XG: variants seen among roughly 807,000 people sequenced by gnomAD.
The protein encoded by XG is Xg glycoprotein (Xg blood group).
Under a neutral mutation model 25.7 loss-of-function variants are expected in XG, and 24 were observed. That is an observed-to-expected ratio of 0.93 (90% CI 0.68 to 1.31). The LOEUF (loss-of-function observed/expected upper bound fraction) is 1.31. Among genes scored for constraint, XG ranks in the 40% most tolerant of loss-of-function variants. The probability of loss-of-function intolerance (pLI) is 0.00; values close to 1 mark genes in which losing one functional copy is unlikely to be tolerated. For synonymous variants in XG, 77 were observed against 69.2 expected, an observed-to-expected ratio of 1.11 and a Z score of -0.56; for missense variants, 181 against 187.6, an observed-to-expected ratio of 0.96 and a Z score of 0.21.
intron 4 of XG, 150 bp downstream of exon 4, chrX:2,782,278 G>T: frequency 1.6e-6 from 1 of 641,176 alleles, no homozygotes; most frequent in South Asian, 2.8e-5. Context: ...ACTGGGGGGA[G>T]CAAGAAAGTC....
At chrX:2,804,056 C>T (rs1216351828) in intron 7 of XG, among the ~76,000 whole-genome samples, 14 of 111,530 alleles carry the variant, frequency 1.3e-4, no homozygotes, top group African/African-American at 3.3e-4. Flanking sequence ...TTGTTCCGGC[C>T]GGTCTCGAAC....
rs182763306 is a variant in XG, at chrX:2,771,589, G to C, written c.103+998G>C. ...TGGGTGGGAGAAAGGGAAAGATTTG[G>C]TTTCTGATGCAGGCACAATGGAACC... On this transcript the variant is annotated intron_variant, in intron 2 of 10. Transcript: ENST00000644266. Among the ~76,000 whole-genome samples the C allele has an allele frequency of 4.6e-5, 7 of 152,302 alleles. No homozygotes were observed. In the East Asian group the frequency reaches 1.3e-3, roughly 29 times the overall value.
intron 1 of XG, among the ~76,000 whole-genome samples, chrX:2,761,610 G>GT (rs2050567478): frequency 6.7e-6 from 1 of 148,752 alleles, no homozygotes; most frequent in Non-Finnish European, 1.5e-5. Context: ...ATCTCAAGAC[G>GT]TCCAGCCTCC....
In XG at chrX:2,803,785, C is replaced by T. The variant is rs1002928223; in HGVS notation, c.374-2916C>T. On this transcript the variant is annotated intron_variant, in intron 7 of 10. Transcript: ENST00000644266. Reference sequence around the variant, plus strand: ...CCCCCAGGAGCAATTTGCAGAGGTTCAGACTCTTGAGCCAGAGGCTGCACG... The same window carrying T: ...CCCCCAGGAGCAATTTGCAGAGGTTTAGACTCTTGAGCCAGAGGCTGCACG... Among the ~76,000 whole-genome samples, 4 of 111,748 alleles carry T rather than the reference C, an allele frequency of 3.6e-5. No homozygotes were observed. In the Admixed American group the frequency reaches 3.8e-4, roughly 11 times the overall value.
chrX:2,779,866 C>T (rs2051081016), intron 3 of XG, among the ~76,000 whole-genome samples: 1 of 152,044 alleles, frequency 6.6e-6, no homozygotes, highest in Non-Finnish European at 1.5e-5. Context: ...AGGCTGGTTT[C>T]GAACTCCTGA....
chrX:2,797,709 G>A (rs747206609), intron 7 of XG, among the ~76,000 whole-genome samples: 4 of 110,721 alleles, frequency 3.6e-5, no homozygotes, highest in East Asian at 2.9e-4. Flanking sequence ...CTTTAGGGGC[G>A]CAGCTCGCTT....
rs868648268 is a variant in XG at position 2,770,026 on chromosome X, G to C, written c.62-524G>C. ...GACTCTGTGCGTGTGTGGAGGGGTG[G>C]GGGGGGCGTTGGGGGGCGGGGATAT... On this transcript the variant is annotated intron_variant, in intron 1 of 10. Transcript: ENST00000644266. 5.5e-4 allele frequency among the ~76,000 whole-genome samples: 81 copies of C among 148,120 alleles called. 1 individual carries two copies. The highest frequency in any genetic ancestry group is 1.8e-3 in the African/African-American group (71 of 40,364).
At chrX:2,789,963 C>T (rs1001833587) in intron 5 of XG, among the ~76,000 whole-genome samples, 2 of 110,504 alleles carry the variant, frequency 1.8e-5, no homozygotes, top group African/African-American at 6.6e-5. Context: ...AGCAATCTTC[C>T]TCCCTCAGCC....
chrX:2,762,829 C>T (rs1417504241), intron 1 of XG, among the ~76,000 whole-genome samples: 5 of 152,104 alleles, frequency 3.3e-5, no homozygotes, highest in Admixed American at 6.6e-5. Context: ...TCTTAGGGGC[C>T]TGCCAGGCAC....
At chrX:2,759,345 G>C (rs1220259488) in intron 1 of XG, among the ~76,000 whole-genome samples, 1 of 152,202 alleles carries the variant, frequency 6.6e-6, no homozygotes, top group Non-Finnish European at 1.5e-5. Context: ...AAAGGGGACA[G>C]GTTGGAAATG....
intron 1 of XG, among the ~76,000 whole-genome samples, chrX:2,759,489 C>T (rs1049893833): frequency 7.2e-5 from 11 of 152,132 alleles, no homozygotes; most frequent in Non-Finnish European, 1.0e-4. Context: ...TGTCAGAATG[C>T]ACTTGTAGGA....
At chrX:2,797,120 C>T (rs191888821) in intron 6 of XG, among the ~76,000 whole-genome samples, 190 bp from the exon 7 acceptor site, 20 of 111,545 alleles carry the variant, frequency 1.8e-4, no homozygotes, top group African/African-American at 6.2e-4. Context: ...AGTTTTCCCA[C>T]GGGGAAGAGG....
chrX:2,759,796 G>A (rs1472996114), intron 1 of XG, among the ~76,000 whole-genome samples: 1 of 152,230 alleles, frequency 6.6e-6, no homozygotes, highest in Non-Finnish European at 1.5e-5. Context: ...TCTGCCTGCA[G>A]GTGGGGCTCT....
chrX:2,773,534 A>C (rs777888069), intron 2 of XG, among the ~76,000 whole-genome samples: 78 of 115,650 alleles, frequency 6.7e-4, no homozygotes, highest in Non-Finnish European at 1.1e-3. Flanking sequence ...AAGGAAGGAG[A>C]GAAGGAAGGA....
chrX:2,772,895 A>G (rs1457243846), intron 2 of XG, among the ~76,000 whole-genome samples: 2 of 152,100 alleles, frequency 1.3e-5, no homozygotes, highest in Non-Finnish European at 2.9e-5. Flanking sequence ...GCCCTTCCTC[A>G]TGGGAAGGAA....
Position 2,816,133 on chromosome X carries a change from C to T in XG, c.*1753C>T, listed in dbSNP as rs1051907348. The T allele has an allele frequency of 3.6e-5, 4 of 111,908 alleles. No homozygotes were observed. The highest frequency in any genetic ancestry group is 9.5e-5 in the Admixed American group (1 of 10,525). The allele number at this position is 111,908 out of a possible 1,213,427, so 9.2% of individuals were successfully genotyped here. ...AAATTCACCTGGGTGACAAGGCTAACGTTCAAGCTACTTAAGATGAAAATA... is the reference window on the plus strand; with the variant it reads ...AAATTCACCTGGGTGACAAGGCTAATGTTCAAGCTACTTAAGATGAAAATA... On this transcript the variant is annotated 3_prime_UTR_variant, in exon 11 of 11. Transcript: ENST00000644266.
At chrX:2,795,264 CTT>C (rs1216138800) in intron 6 of XG, among the ~76,000 whole-genome samples, 2 of 105,477 alleles carry the variant, frequency 1.9e-5, no homozygotes, top group Non-Finnish European at 3.9e-5. Flanking sequence ...TTTAATATAT[CTT>C]TTTAAAAATA....
intron 7 of XG, among the ~76,000 whole-genome samples, chrX:2,801,772 C>A (rs188747329): frequency 1.6e-3 from 171 of 110,086 alleles, no homozygotes; most frequent in African/African-American, 5.2e-3. Flanking sequence ...GCAGTGGCGT[C>A]ATCTCGGCTC....
At chrX:2,754,925 A>G (rs988795068) in intron 1 of XG, among the ~76,000 whole-genome samples, 10 of 152,116 alleles carry the variant, frequency 6.6e-5, no homozygotes, top group Non-Finnish European at 1.2e-4. Flanking sequence ...CTTCAATCCA[A>G]TCAAGTTGAC....
Sources: gnomAD v4.1 joint callset for allele counts (sites outside exome capture counted in the v4.1 genomes callset) on GRCh38, gnomAD v4.1.1 for gene constraint, MANE v1.5 for transcripts, NCBI Gene and HGNC (gene_info 2026-07-23, HGNC 2026-07-21) for gene names.